GALNT13: variants seen among roughly 807,000 people sequenced by gnomAD.
The protein encoded by GALNT13 is UDP-GalNAc:polypeptide N-acetylgalactosaminyltransferase 13.
In GALNT13, 28 loss-of-function variants were observed where a neutral mutation model predicts 64.2. The ratio of observed to expected loss-of-function variants is 0.44; its 90% CI spans 0.32 to 0.60. The LOEUF is 0.60. Among genes scored for constraint, GALNT13 ranks in the 20% least tolerant of loss-of-function variants. GALNT13 has a pLI of 0.05. For missense variants in GALNT13, 577 were observed against 669.8 expected, an observed-to-expected ratio of 0.86 and a Z score of 1.53; for synonymous variants, 214 against 224.6, an observed-to-expected ratio of 0.95 and a Z score of 0.42.
chr2:153,759,687 C>A, the GALNT13 span, among the ~76,000 whole-genome samples: 1 of 152,008 alleles, frequency 6.6e-6, no homozygotes, highest in Non-Finnish European at 1.5e-5. Context: ...TTAAATGATT[C>A]ATTTAATACA....
intron 10 of GALNT13, among the ~76,000 whole-genome samples, chr2:154,401,255 TA>T (rs1392896391): frequency 1.3e-5 from 2 of 152,242 alleles, no homozygotes; most frequent in East Asian, 3.9e-4. Flanking sequence ...AGATTAAGGG[TA>T]AAATCAGTTA....
At chr2:154,277,318 A>G (rs1016159895) in intron 8 of GALNT13, among the ~76,000 whole-genome samples, 25 of 152,234 alleles carry the variant, frequency 1.6e-4, no homozygotes, top group African/African-American at 4.3e-4. Context: ...CAGTTAGGAA[A>G]CCTACTGAAC....
At chr2:154,136,293 A>G (rs13402577) in intron 3 of GALNT13, among the ~76,000 whole-genome samples, 30,480 of 152,122 alleles carry the variant, frequency 0.2, 3,981 homozygotes, top group Middle Eastern at 0.33. Context: ...TTTTGATTCA[A>G]TGTTATGCTT....
At chr2:153,173,453 C>T in the GALNT13 span, 1 of 152,310 alleles carries the variant, frequency 6.6e-6, no homozygotes, top group Non-Finnish European at 1.5e-5. Flanking sequence ...CCTTGGCTTG[C>T]AGCTGCATCA....
chr2:153,609,843 C>T, the GALNT13 span, among the ~76,000 whole-genome samples: 1 of 152,108 alleles, frequency 6.6e-6, no homozygotes, highest in East Asian at 1.9e-4. Context: ...TGGAGTCTTA[C>T]ACCAACATAC....
At chr2:153,189,712 C>T in the GALNT13 span, among the ~76,000 whole-genome samples, 9 of 152,040 alleles carry the variant, frequency 5.9e-5, no homozygotes, top group Non-Finnish European at 1.2e-4. Flanking sequence ...TTTACATTTC[C>T]ACCAACACTG....
At chr2:154,215,663 A>G (rs947535763) in intron 4 of GALNT13, among the ~76,000 whole-genome samples, 3 of 152,096 alleles carry the variant, frequency 2.0e-5, no homozygotes, top group Non-Finnish European at 4.4e-5. Context: ...ATGAGACCCC[A>G]TAGGATTTAT....
the GALNT13 span, among the ~76,000 whole-genome samples, chr2:153,447,791 T>G: frequency 6.6e-6 from 1 of 152,192 alleles, no homozygotes; most frequent in Non-Finnish European, 1.5e-5. Context: ...TTTCCTTGGA[T>G]TCTCAAAAAT....
At chr2:154,314,349 C>T (rs778993353) in intron 9 of GALNT13, among the ~76,000 whole-genome samples, 6 of 152,144 alleles carry the variant, frequency 3.9e-5, no homozygotes, top group Non-Finnish European at 7.3e-5. Flanking sequence ...TAGGTGGTTA[C>T]ACATTGCAGA....
At chr2:153,344,285 GA>G in the GALNT13 span, among the ~76,000 whole-genome samples, 1 of 152,204 alleles carries the variant, frequency 6.6e-6, no homozygotes, top group African/African-American at 2.4e-5. Flanking sequence ...ATGTCAGTCA[GA>G]AGCACACACT....
chr2:153,805,487 A>G, the GALNT13 span, among the ~76,000 whole-genome samples: 1 of 152,070 alleles, frequency 6.6e-6, no homozygotes, highest in Non-Finnish European at 1.5e-5. Flanking sequence ...GAATCTACTA[A>G]AGGGAATGAT....
the GALNT13 span, among the ~76,000 whole-genome samples, chr2:153,802,197 T>C: frequency 5.3e-5 from 8 of 152,230 alleles, no homozygotes; most frequent in East Asian, 1.9e-4. Flanking sequence ...TATCTTTCTT[T>C]AAGACTTTCT....
chr2:154,025,463 C>T (rs1181537622), intron 3 of GALNT13, among the ~76,000 whole-genome samples: 1 of 152,132 alleles, frequency 6.6e-6, no homozygotes, highest in African/African-American at 2.4e-5. Flanking sequence ...ATAACACATT[C>T]ATTCTTTATG....
At chr2:154,280,479 A>G (rs1350326652) in intron 8 of GALNT13, among the ~76,000 whole-genome samples, 1 of 152,176 alleles carries the variant, frequency 6.6e-6, no homozygotes, top group Non-Finnish European at 1.5e-5. Flanking sequence ...AATTCTCTAC[A>G]TTTGGGACAC....
the GALNT13 span, among the ~76,000 whole-genome samples, chr2:153,341,311 G>A: frequency 6.6e-6 from 1 of 152,184 alleles, no homozygotes; most frequent in African/African-American, 2.4e-5. Context: ...CTAGCTAACA[G>A]CCCTTCACAA....
intron 9 of GALNT13, among the ~76,000 whole-genome samples, chr2:154,311,805 T>A (rs1300685278): frequency 6.6e-6 from 1 of 152,200 alleles, no homozygotes; most frequent in Non-Finnish European, 1.5e-5. Context: ...GCATTCTCTT[T>A]CTCAGGGACG....
chr2:153,516,549 T>C, the GALNT13 span, among the ~76,000 whole-genome samples: 1 of 152,038 alleles, frequency 6.6e-6, no homozygotes, highest in Non-Finnish European at 1.5e-5. Context: ...AGAGAGGGAA[T>C]TTCCTGTCTG....
At chr2:153,356,590 CAGGTAAAAGTT>C in the GALNT13 span, 1 of 152,112 alleles carries the variant, frequency 6.6e-6, no homozygotes, top group Non-Finnish European at 1.5e-5. Flanking sequence ...ATTCTAAAAG[CAGGTAAAAGTT>C]TATAGTGTTA....
At chr2:154,145,644 A>T (rs1453770542) in intron 4 of GALNT13, among the ~76,000 whole-genome samples, 1 of 151,978 alleles carries the variant, frequency 6.6e-6, no homozygotes, top group Non-Finnish European at 1.5e-5. Context: ...TTACATATGC[A>T]CACTTTCAAG....
Sources: allele counts gnomAD v4.1 joint callset (sites outside exome capture counted in the v4.1 genomes callset), GRCh38; gene constraint gnomAD v4.1.1; transcripts MANE v1.5; gene names NCBI Gene and HGNC (gene_info 2026-07-23, HGNC 2026-07-21).